The following DPP6 variants were observed in gnomAD, a reference collection of about 807,000 sequenced individuals.
The protein encoded by DPP6 is dipeptidyl peptidase like 6, also known as A-type potassium channel modulatory protein DPP6.
DPP6 carries 69 observed loss-of-function variants against 122.6 expected under a neutral mutation model. The ratio of observed to expected loss-of-function variants is 0.56; its 90% CI spans 0.46 to 0.69. The LOEUF (loss-of-function observed/expected upper bound fraction) is 0.69, where lower values mean the gene tolerates loss of function less well. DPP6 is among the 30% of genes least tolerant of loss of function. The pLI, the probability that DPP6 is intolerant of heterozygous loss-of-function variation, is 0.00. For synonymous variants in DPP6, 418 were observed against 433.1 expected, an observed-to-expected ratio of 0.97 and a Z score of 0.43; for missense variants, 928 against 1,116.9, an observed-to-expected ratio of 0.83 and a Z score of 2.41.
At chr7:154,791,427 C>T (rs189090387) in intron 10 of DPP6, among the ~76,000 whole-genome samples, 50 of 152,044 alleles carry the variant, frequency 3.3e-4, no homozygotes, top group Admixed American at 6.5e-4. Flanking sequence ...GGCAAGAGAG[C>T]GTGTGCAGGG....
chr7:154,251,727 G>A (rs1466111130), intron 1 of DPP6, among the ~76,000 whole-genome samples: 1 of 152,212 alleles, frequency 6.6e-6, no homozygotes, highest in African/African-American at 2.4e-5. Context: ...AGGACAGGAA[G>A]CATCCAGCAT....
chr7:154,477,678 A>G (rs1822873340), intron 3 of DPP6, among the ~76,000 whole-genome samples: 1 of 152,236 alleles, frequency 6.6e-6, no homozygotes. Flanking sequence ...TTCTGGCCAG[A>G]GGAGACCAGC....
chr7:154,673,069 C>A (rs975108232), intron 7 of DPP6, among the ~76,000 whole-genome samples: 1 of 152,190 alleles, frequency 6.6e-6, no homozygotes, highest in Non-Finnish European at 1.5e-5. Context: ...GTACTCCCCA[C>A]ACCTGCTCCG....
At chr7:154,558,730 G>C (rs1185392058) in intron 4 of DPP6, among the ~76,000 whole-genome samples, 1 of 152,200 alleles carries the variant, frequency 6.6e-6, no homozygotes, top group African/African-American at 2.4e-5. Flanking sequence ...GTTCGTGTAG[G>C]TACTTTCTGT....
chr7:154,892,319 G>C lies in DPP6; in HGVS notation c.2452-15G>C. The C allele has an allele frequency of 1.2e-6, 2 of 1,613,970 alleles. No individual in the cohort carries two copies. The highest frequency in any genetic ancestry group is 2.2e-5 in the East Asian group (1 of 44,864). On this transcript the variant is annotated splice_polypyrimidine_tract_variant and intron_variant, in intron 25 of 25. Coordinates refer to ENST00000377770, the MANE Select transcript of DPP6 (RefSeq NM_130797.4). ...GTATACCTGGGAGAGTAATTTCTCCGTGCCTTCCTTGCAGATTTACCCGGA... is the reference window on the plus strand; with the variant it reads ...GTATACCTGGGAGAGTAATTTCTCCCTGCCTTCCTTGCAGATTTACCCGGA...
intron 7 of DPP6, among the ~76,000 whole-genome samples, chr7:154,708,580 C>T (rs1044206468): frequency 2.6e-5 from 4 of 152,058 alleles, no homozygotes; most frequent in South Asian, 2.1e-4. Flanking sequence ...TTCCACTTGT[C>T]GGAATTTATC....
chr7:154,056,811 C>G (rs1357445658), intron 1 of DPP6, among the ~76,000 whole-genome samples: 1 of 152,210 alleles, frequency 6.6e-6, no homozygotes, highest in African/African-American at 2.4e-5. Flanking sequence ...GATCTATCAA[C>G]TTTACGATTT....
chr7:154,681,172 G>C (rs886089207), intron 7 of DPP6, among the ~76,000 whole-genome samples: 1 of 152,170 alleles, frequency 6.6e-6, no homozygotes, highest in African/African-American at 2.4e-5. Flanking sequence ...TGGATGCAGG[G>C]TTAAAACCGG....
intron 16 of DPP6, among the ~76,000 whole-genome samples, chr7:154,827,945 G>A (rs1339122855): frequency 6.6e-6 from 1 of 152,190 alleles, no homozygotes. Flanking sequence ...GGGGATGGAA[G>A]TCACACATAT....
chr7:154,148,371 G>A (rs1354411607), intron 1 of DPP6, among the ~76,000 whole-genome samples: 2 of 150,842 alleles, frequency 1.3e-5, no homozygotes, highest in African/African-American at 4.9e-5. Flanking sequence ...GGGATGGAGA[G>A]GGTGGGGCAG....
intron 3 of DPP6, among the ~76,000 whole-genome samples, chr7:154,500,708 G>A (rs985424756): frequency 2.0e-5 from 3 of 152,184 alleles, no homozygotes; most frequent in African/African-American, 7.2e-5. Flanking sequence ...TCTTTCTTTT[G>A]TCAACTGCGC....
At chr7:154,397,806 T>A (rs1449502929) in intron 1 of DPP6, among the ~76,000 whole-genome samples, 1 of 152,138 alleles carries the variant, frequency 6.6e-6, no homozygotes, top group Non-Finnish European at 1.5e-5. Context: ...TGTGATACAT[T>A]TGTTTGCGCT....
chr7:154,671,166 C>G (rs1286445307), intron 7 of DPP6, among the ~76,000 whole-genome samples: 1 of 152,228 alleles, frequency 6.6e-6, no homozygotes, highest in Non-Finnish European at 1.5e-5. Context: ...AACTGAATCT[C>G]TAATAGTTGA....
chr7:154,863,885 C>A lies in DPP6; in HGVS notation c.1715-4110C>A, dbSNP rs4960627. Among the ~76,000 whole-genome samples, 11,964 of 152,156 alleles carry A rather than the reference C, an allele frequency of 0.079. 1,053 individuals are homozygous for A. Among genetic ancestry groups the A allele is most frequent in the African/African-American group, 0.21 (8,908 of 41,480 alleles). On this transcript the variant is annotated intron_variant, in intron 17 of 25. Transcript: ENST00000377770. The surrounding 1 kb of genome is among the most constrained non-coding windows in gnomAD (Gnocchi z 4.1). ...AGTTTAAACAGTAGTCATGCGGGCT[C>A]TGGGCCTGAATCTGGTCTTCGAATA...
chr7:154,610,525 C>T (rs1833841064), intron 5 of DPP6, among the ~76,000 whole-genome samples: 1 of 152,150 alleles, frequency 6.6e-6, no homozygotes, highest in Admixed American at 6.5e-5. Flanking sequence ...TTTCTTGCAG[C>T]ACCTGTCTTA....
Position 154,123,796 on chromosome 7 carries a change from C to T in DPP6, c.243+70733C>T, listed in dbSNP as rs542217143. On this transcript the variant is annotated intron_variant, in intron 1 of 25. Coordinates refer to ENST00000377770, the MANE Select transcript of DPP6 (RefSeq NM_130797.4). ...CTATGATTACCTGGGACAAATGTGC[C>T]GCTCGCTCACGGGGCTTACCTGGGG... Among the ~76,000 whole-genome samples the T allele has an allele frequency of 1.2e-4, 14 of 115,462 alleles. 2 individuals carry two copies. The South Asian group carries it at 3.0e-3, about 25-fold the overall frequency. The allele number at this position is 115,462 out of a possible 152,430, so 75.7% of individuals were successfully genotyped here.
rs35662023 is a variant in DPP6, at chr7:154,608,320, CATAT to C, written c.628-29482_628-29479del. 8.8e-4 allele frequency among the ~76,000 whole-genome samples: 79 copies of C among 90,010 alleles called. 10 individuals are homozygous for C. Among genetic ancestry groups the C allele is most frequent in the East Asian group, 5.6e-3 (10 of 1,798 alleles). 59.1% of individuals were successfully genotyped at this position (90,010 alleles called of 152,430 possible). ...CATGCTTGCATTTTTTAGGAGTGAT[CATAT>C]ATATATATATATATATATTTTGAGA... On this transcript the variant is annotated intron_variant, in intron 5 of 25. Coordinates refer to ENST00000377770, the MANE Select transcript of DPP6 (RefSeq NM_130797.4).
At chr7:153,788,498 T>C in the DPP6 span, among the ~76,000 whole-genome samples, 2 of 152,322 alleles carry the variant, frequency 1.3e-5, no homozygotes, top group East Asian at 1.9e-4. Context: ...TTGGTTGACA[T>C]TTTAACATAA....
chr7:154,369,908 C>T (rs1348717407), intron 1 of DPP6, among the ~76,000 whole-genome samples: 1 of 152,162 alleles, frequency 6.6e-6, no homozygotes, highest in Non-Finnish European at 1.5e-5. Flanking sequence ...ATTCAGGTGT[C>T]TCATTGTTAT....
Sources: allele counts gnomAD v4.1 joint callset (sites outside exome capture counted in the v4.1 genomes callset), GRCh38; gene constraint gnomAD v4.1.1; non-coding constraint Gnocchi (gnomAD v3.1); transcripts MANE v1.5; gene names NCBI Gene and HGNC (gene_info 2026-07-23, HGNC 2026-07-21).